Variants in SUN3 observed in about 807,000 individuals in gnomAD.
The protein encoded by SUN3 is SUN domain-containing protein 3.
In SUN3, 36 loss-of-function variants were observed where a neutral mutation model predicts 48.2. The observed-to-expected ratio is 0.75, with a 90% confidence interval of 0.57 to 0.99. The LOEUF is 0.99. Ranked by LOEUF, SUN3 falls within the 50% of genes least tolerant of loss-of-function variation. The pLI is 0.00. For missense variants in SUN3, 419 were observed against 433.1 expected, an observed-to-expected ratio of 0.97 and a Z score of 0.29; for synonymous variants, 148 against 147.9, an observed-to-expected ratio of 1.00 and a Z score of 0.00.
chr7:47,994,480 C>T lies in SUN3; in HGVS notation c.696G>A (p.Pro232=), dbSNP rs780429517. 61 of 1,589,132 alleles carry T rather than the reference C, an allele frequency of 3.8e-5. No individual in the cohort carries two copies. Among genetic ancestry groups the T allele is most frequent in the South Asian group, 2.3e-4 (20 of 86,724 alleles). The change falls in exon 8 of 10, where the codon CCG becomes CCA. Residue 232 remains proline (P), a splice_region_variant and synonymous_variant. Coordinates refer to ENST00000297325, the MANE Select transcript of SUN3 (RefSeq NM_001030019.2). The part of the protein sequence containing the change: ...HEMPPDIILQ[P]DVYPGKCWAF... ...CCCAGCACTTTCCAGGGTAGACATCCGGCTGGAAAGAAAACACTGAATTAA... is the reference window on the plus strand; with the variant it reads ...CCCAGCACTTTCCAGGGTAGACATCTGGCTGGAAAGAAAACACTGAATTAA...
intron 6 of SUN3, among the ~76,000 whole-genome samples, chr7:48,005,096 T>C (rs2128775699): frequency 6.6e-6 from 1 of 152,302 alleles, no homozygotes; most frequent in South Asian, 2.1e-4. Context: ...ATGGAAGTTG[T>C]AAATACATCA....
chr7:47,999,442 CT>C (rs1457074196), intron 6 of SUN3, among the ~76,000 whole-genome samples: 3 of 152,236 alleles, frequency 2.0e-5, no homozygotes, highest in South Asian at 2.1e-4. Context: ...GCCTTTTCCC[CT>C]ATCCTCTGCC....
chr7:48,021,235 C>T (rs867759072), intron 2 of SUN3, among the ~76,000 whole-genome samples: 17 of 152,150 alleles, frequency 1.1e-4, no homozygotes, highest in African/African-American at 3.9e-4. Context: ...AGACCCCTAT[C>T]TCCTGCCATA....
the SUN3 span, among the ~76,000 whole-genome samples, chr7:48,035,274 C>T: frequency 1.3e-5 from 2 of 151,980 alleles, no homozygotes; most frequent in African/African-American, 4.8e-5. This position sits in a 1 kb window ranked among gnomAD's most constrained non-coding sequence, Gnocchi z 4.0. Flanking sequence ...CGCCCCCACA[C>T]CCCTGCAACA....
rs1437946410 is a variant in SUN3 at position 48,028,858 on chromosome 7, GCCACTGGCGCTA to G, written c.69_80del (p.Ser24_Gly27del). The G allele has an allele frequency of 6.2e-7, 1 of 1,613,756 alleles. No individual in the cohort carries two copies. Among genetic ancestry groups the G allele is most frequent in the Non-Finnish European group, 8.5e-7 (1 of 1,179,858 alleles). Reference sequence around the variant, plus strand: ...TTTCGTCCTCTGATAACAAAGCATTGCCACTGGCGCTACCGCTGGCGTCTTCAGAGCAACGTC... The same window carrying G: ...TTTCGTCCTCTGATAACAAAGCATTGCCGCTGGCGTCTTCAGAGCAACGTC... On this transcript the variant is annotated inframe_deletion, in exon 1 of 10. Transcript: ENST00000297325.
At chr7:48,007,050 C>T in intron 5 of SUN3, 115 bp downstream of exon 5, 2 of 1,058,196 alleles carry the variant, frequency 1.9e-6, no homozygotes, top group Non-Finnish European at 2.7e-6. Flanking sequence ...CTGGACTTCC[C>T]ACTGGGAGAA....
upstream of SUN3, among the ~76,000 whole-genome samples, chr7:48,031,713 A>C (rs1485001276): frequency 6.6e-6 from 1 of 152,204 alleles, no homozygotes. Flanking sequence ...TATCCAAAGG[A>C]AATAAAATCA....
At chr7:48,028,186 T>G (rs917011583) in intron 1 of SUN3, among the ~76,000 whole-genome samples, 6 of 152,264 alleles carry the variant, frequency 3.9e-5, no homozygotes, top group African/African-American at 1.4e-4. Context: ...AAGTGCTTCA[T>G]TGTTACCAAT....
At chr7:47,989,178 A>C (rs2128768831) in intron 8 of SUN3, among the ~76,000 whole-genome samples, 1 of 152,362 alleles carries the variant, frequency 6.6e-6, no homozygotes, top group Non-Finnish European at 1.5e-5. Context: ...GATGATTGAC[A>C]AACAGCTGAT....
intron 3 of SUN3, among the ~76,000 whole-genome samples, chr7:48,010,480 A>G (rs1471382497): frequency 1.3e-5 from 2 of 152,212 alleles, no homozygotes; most frequent in African/African-American, 4.8e-5. Flanking sequence ...TTATCAATTA[A>G]GAGGCAGTAT....
At chr7:48,015,386 A>T (rs1233484634) in intron 3 of SUN3, among the ~76,000 whole-genome samples, 1 of 152,140 alleles carries the variant, frequency 6.6e-6, no homozygotes, top group Admixed American at 6.5e-5. Flanking sequence ...GATGGGAGTT[A>T]TCCTGGGCAT....
At chr7:48,020,638 A>C (rs565809532) in intron 2 of SUN3, among the ~76,000 whole-genome samples, 1 of 152,342 alleles carries the variant, frequency 6.6e-6, no homozygotes, top group African/African-American at 2.4e-5. Flanking sequence ...TAGCATTTCT[A>C]TATACAAACA....
rs113004270 is a variant in SUN3, at chr7:48,011,767, A to G, written c.289-2692T>C. On this transcript the variant is annotated intron_variant, in intron 3 of 9. Transcript: ENST00000297325. ...GGCAAGTTCTACTATAGGAACTTGT[A>G]TAGTATAAGAACATGTAGGACAAAA... 3.0e-3 allele frequency among the ~76,000 whole-genome samples: 455 copies of G among 152,348 alleles called. 7 individuals carry two copies. The highest frequency in any genetic ancestry group is 0.01 in the African/African-American group (423 of 41,584).
chr7:47,990,236 G>C (rs1337879696), intron 8 of SUN3, among the ~76,000 whole-genome samples: 3 of 152,214 alleles, frequency 2.0e-5, no homozygotes, highest in African/African-American at 7.2e-5. Flanking sequence ...TCCTGAGATA[G>C]GAGAAAACCG....
intron 8 of SUN3, among the ~76,000 whole-genome samples, chr7:47,991,601 CAAAA>C (rs1358899574): frequency 6.0e-5 from 3 of 50,212 alleles, no homozygotes; most frequent in African/African-American, 1.9e-4. Context: ...AACCAAAAAA[CAAAA>C]CAAAACAAAA....
intron 3 of SUN3, among the ~76,000 whole-genome samples, chr7:48,014,227 G>A (rs1789751762): frequency 6.6e-6 from 1 of 152,190 alleles, no homozygotes; most frequent in African/African-American, 2.4e-5. Context: ...ATGAGCCACC[G>A]TGTTGGGCTG....
chr7:47,988,798 A>G lies in SUN3; in HGVS notation c.944T>C (p.Phe315Ser). The G allele has an allele frequency of 1.2e-6, 2 of 1,602,224 alleles. No individual in the cohort carries two copies. Among genetic ancestry groups the G allele is most frequent in the Admixed American group, 1.7e-5 (1 of 58,712 alleles). The change falls in exon 9 of 10, where the codon TTT (phenylalanine) becomes TCT (serine). Residue 315 changes from phenylalanine (F) to serine (S), a missense_variant. By Grantham distance (155) the Phe-to-Ser change is radical. Transcript: ENST00000297325. ...YNKTGTTVQT[F>S]ELQHAVSEYL... ...CAGAGCATACATTACCTGGAGTTCA[A>G]ATGTTTGAACGGTGGTTCCTGTTTT...
chr7:48,002,831 A>G (rs939465143), intron 6 of SUN3, among the ~76,000 whole-genome samples: 4 of 152,158 alleles, frequency 2.6e-5, no homozygotes, highest in South Asian at 2.1e-4. Context: ...TGGTACATAC[A>G]ACTTTCAGGC....
In SUN3 at chr7:48,008,950, T is replaced by G. The variant is rs868340672; in HGVS notation, c.329+85A>C. 33 of 1,328,228 alleles carry G rather than the reference T, an allele frequency of 2.5e-5. No homozygotes were observed. The South Asian group carries it at 2.9e-4, about 12-fold the overall frequency. 82.3% of individuals were successfully genotyped at this position (1,328,228 alleles called of 1,614,324 possible). ...TTTGAGTTATTTCAGGGAGTAACTT[T>G]TCTTTCTTATACTTTTCTGTACGAA... On this transcript the variant is annotated intron_variant, in intron 4 of 9. Coordinates refer to ENST00000297325, the MANE Select transcript of SUN3 (RefSeq NM_001030019.2).
Sources: gnomAD v4.1 joint callset for allele counts (sites outside exome capture counted in the v4.1 genomes callset) on GRCh38, gnomAD v4.1.1 for gene constraint, Gnocchi (gnomAD v3.1) non-coding constraint, MANE v1.5 for transcripts, NCBI Gene and HGNC (gene_info 2026-07-23, HGNC 2026-07-21) for gene names.